Variants in MIS18A observed in about 807,000 individuals in gnomAD.
The protein encoded by MIS18A is MIS18 kinetochore protein A.
A neutral mutation model predicts 25.0 loss-of-function variants in MIS18A; 14 were observed. The ratio of observed to expected loss-of-function variants is 0.56; its 90% CI spans 0.37 to 0.88. MIS18A has a LOEUF of 0.88. MIS18A is among the 40% of genes least tolerant of loss of function. The pLI is 0.00. For missense variants in MIS18A, 292 were observed against 290.8 expected (o/e 1.00, Z -0.03); for synonymous variants, 134 against 118.6 (o/e 1.13, Z -0.84).
the MIS18A span, among the ~76,000 whole-genome samples, chr21:32,173,060 C>A: frequency 7.1e-6 from 1 of 141,074 alleles, no homozygotes; most frequent in South Asian, 2.2e-4. Flanking sequence ...TCAGGCAGTA[C>A]TTTCTTGATT....
At chr21:32,201,901 T>A in the MIS18A span, among the ~76,000 whole-genome samples, 4 of 152,168 alleles carry the variant, frequency 2.6e-5, no homozygotes, top group Non-Finnish European at 4.4e-5. Flanking sequence ...TGCGTTACCT[T>A]TCTTAAATAT....
chr21:32,209,423 T>A, the MIS18A span, among the ~76,000 whole-genome samples: 13 of 152,158 alleles, frequency 8.5e-5, no homozygotes, highest in African/African-American at 2.9e-4. Context: ...GATTCTAGAG[T>A]TAGCAAAGGG....
the MIS18A span, among the ~76,000 whole-genome samples, chr21:32,232,550 G>A: frequency 5.7e-4 from 87 of 151,618 alleles, no homozygotes; most frequent in South Asian, 2.7e-3. Flanking sequence ...ATATATAATT[G>A]AATATTATTC....
chr21:32,189,710 T>C, the MIS18A span, among the ~76,000 whole-genome samples: 1 of 152,172 alleles, frequency 6.6e-6, no homozygotes, highest in Non-Finnish European at 1.5e-5. Context: ...CTCACCTGTG[T>C]CCTTTAGGAC....
chr21:32,273,542 T>C (rs1049999803), intron 2 of MIS18A, among the ~76,000 whole-genome samples: 7 of 152,112 alleles, frequency 4.6e-5, no homozygotes, highest in Admixed American at 4.6e-4. Context: ...AGACCAAACA[T>C]GGTAACAAAA....
the MIS18A span, among the ~76,000 whole-genome samples, chr21:32,175,733 C>G: frequency 6.6e-6 from 1 of 151,540 alleles, no homozygotes; most frequent in African/African-American, 2.4e-5. Context: ...TCACTTGAAC[C>G]TGGGAGATGG....
At chr21:32,189,331 T>A in the MIS18A span, among the ~76,000 whole-genome samples, 1 of 152,196 alleles carries the variant, frequency 6.6e-6, no homozygotes, top group Non-Finnish European at 1.5e-5. Context: ...CAGGCTGGAG[T>A]GCAGTGGCAT....
chr21:32,219,892 C>T, the MIS18A span, among the ~76,000 whole-genome samples: 3 of 152,176 alleles, frequency 2.0e-5, no homozygotes, highest in African/African-American at 4.8e-5. Flanking sequence ...CACCACAGCA[C>T]GGCAAAACCA....
chr21:32,186,661 A>G, the MIS18A span, among the ~76,000 whole-genome samples: 1 of 152,230 alleles, frequency 6.6e-6, no homozygotes, highest in African/African-American at 2.4e-5. Flanking sequence ...AGAGCGCAAG[A>G]GTGAGAGAGA....
At chr21:32,233,586 T>C in the MIS18A span, among the ~76,000 whole-genome samples, 6 of 152,218 alleles carry the variant, frequency 3.9e-5, no homozygotes, top group African/African-American at 1.4e-4. Context: ...CTCTCTACAA[T>C]TGCTTAACCT....
chr21:32,213,358 G>A, the MIS18A span, among the ~76,000 whole-genome samples: 56,159 of 152,034 alleles, frequency 0.37, 10,533 homozygotes, highest in East Asian at 0.45. Context: ...AGCACTGTAC[G>A]TTCTGACATA....
At chr21:32,194,660 G>T in the MIS18A span, among the ~76,000 whole-genome samples, 2 of 137,316 alleles carry the variant, frequency 1.5e-5, no homozygotes, top group Admixed American at 1.5e-4. Flanking sequence ...ACTCCGTCTC[G>T]AATTAAAAAA....
chr21:32,207,125 C>G, the MIS18A span, among the ~76,000 whole-genome samples: 1 of 152,140 alleles, frequency 6.6e-6, no homozygotes, highest in African/African-American at 2.4e-5. Flanking sequence ...TGACTTCTAT[C>G]TTGGGAACTC....
the MIS18A span, among the ~76,000 whole-genome samples, chr21:32,202,295 G>GAA: frequency 1.0e-4 from 15 of 149,080 alleles, no homozygotes; most frequent in East Asian, 2.0e-3. Context: ...CTCAAAAAAA[G>GAA]AAAAAAAACA....
the MIS18A span, among the ~76,000 whole-genome samples, chr21:32,210,667 T>C: frequency 1.9e-3 from 283 of 152,316 alleles, 4 homozygotes; most frequent in East Asian, 0.037. Flanking sequence ...GGAGCAGGAA[T>C]GTTTGTGCTG....
the MIS18A span, among the ~76,000 whole-genome samples, chr21:32,232,092 T>C: frequency 1.3e-5 from 2 of 152,214 alleles, no homozygotes; most frequent in Non-Finnish European, 2.9e-5. Context: ...TGTCAACAGA[T>C]GAATGGATAA....
chr21:32,256,997 G>C, the MIS18A span, among the ~76,000 whole-genome samples: 2 of 152,158 alleles, frequency 1.3e-5, no homozygotes, highest in Non-Finnish European at 2.9e-5. Flanking sequence ...ATCAGGACTG[G>C]ATTCTCCCAG....
the MIS18A span, among the ~76,000 whole-genome samples, chr21:32,248,228 C>T: frequency 2.6e-5 from 4 of 152,270 alleles, no homozygotes; most frequent in African/African-American, 9.6e-5. Context: ...AGACTTTAGC[C>T]GTGACATTGA....
At chr21:32,255,356 G>A in the MIS18A span, among the ~76,000 whole-genome samples, 1 of 151,694 alleles carries the variant, frequency 6.6e-6, no homozygotes, top group Non-Finnish European at 1.5e-5. Flanking sequence ...TCAGCGTCCT[G>A]AGTAGCTCGG....
Sources: gnomAD v4.1 joint callset for allele counts (sites outside exome capture counted in the v4.1 genomes callset) on GRCh38, gnomAD v4.1.1 for gene constraint, MANE v1.5 for transcripts, NCBI Gene and HGNC (gene_info 2026-07-23, HGNC 2026-07-21) for gene names.